The following RAPGEF2 variants were observed in gnomAD, a reference collection of about 807,000 sequenced individuals.
The protein encoded by RAPGEF2 is Rap guanine nucleotide exchange factor 2.
In RAPGEF2, 54 loss-of-function variants were observed where a neutral mutation model predicts 186.7. The observed-to-expected ratio is 0.29, with a 90% confidence interval of 0.23 to 0.36. The LOEUF (loss-of-function observed/expected upper bound fraction) is 0.36. Ranked by LOEUF, RAPGEF2 falls within the 10% of genes least tolerant of loss-of-function variation. The pLI, the probability that RAPGEF2 is intolerant of heterozygous loss-of-function variation, is 1.00. For missense variants in RAPGEF2, 1,532 were observed against 2,045.0 expected (o/e 0.75, Z 4.84); for synonymous variants, 712 against 705.9 (o/e 1.01, Z -0.14).
intron 1 of RAPGEF2, among the ~76,000 whole-genome samples, chr4:159,142,027 G>C (rs1339655389): frequency 2.0e-5 from 3 of 152,186 alleles, no homozygotes; most frequent in African/African-American, 4.8e-5. Context: ...TACCTTCTGA[G>C]TGTGTGTGAC....
At chr4:159,231,012 C>T (rs1404078666) in intron 4 of RAPGEF2, among the ~76,000 whole-genome samples, 1 of 152,062 alleles carries the variant, frequency 6.6e-6, no homozygotes, top group African/African-American at 2.4e-5. Context: ...TGTAGTCATG[C>T]ACTGTGTAAT....
intron 2 of RAPGEF2, among the ~76,000 whole-genome samples, chr4:159,191,822 T>C (rs1173374887): frequency 6.6e-6 from 1 of 151,978 alleles, no homozygotes; most frequent in African/African-American, 2.4e-5. Context: ...ATATAGATAA[T>C]AGCTGGAAGG....
At chr4:159,306,138 A>G (rs1194448086) in intron 8 of RAPGEF2, among the ~76,000 whole-genome samples, 1 of 135,730 alleles carries the variant, frequency 7.4e-6, no homozygotes, top group Non-Finnish European at 1.7e-5. Flanking sequence ...TATGAACTTT[A>G]GGATTTTTTT....
At chr4:159,218,067 T>A (rs1561098270) in intron 4 of RAPGEF2, among the ~76,000 whole-genome samples, 1 of 152,250 alleles carries the variant, frequency 6.6e-6, no homozygotes, top group Non-Finnish European at 1.5e-5. Flanking sequence ...GGAGATGCCT[T>A]AAGGAGTATG....
chr4:159,158,925 A>G lies in RAPGEF2; in HGVS notation c.70-27717A>G, dbSNP rs1433427428. Reference sequence around the variant, plus strand: ...CCCCCTTTTCTTTAAAATTGAAACAATAGCCGTAGCTGTATAAGGGCTAGC... The same window carrying G: ...CCCCCTTTTCTTTAAAATTGAAACAGTAGCCGTAGCTGTATAAGGGCTAGC... On this transcript the variant is annotated intron_variant, in intron 1 of 29. Coordinates refer to ENST00000691494, the MANE Select transcript of RAPGEF2 (RefSeq NM_001394067.2). 4.6e-5 allele frequency among the ~76,000 whole-genome samples: 7 copies of G among 152,308 alleles called. No individual in the cohort carries two copies. In the Middle Eastern group the frequency reaches 0.01, roughly 222 times the overall value.
chr4:159,178,274 G>T (rs755099450), intron 1 of RAPGEF2, among the ~76,000 whole-genome samples: 1 of 152,116 alleles, frequency 6.6e-6, no homozygotes, highest in Non-Finnish European at 1.5e-5. Flanking sequence ...GGATAGGAGG[G>T]ATTGCACCAG....
In RAPGEF2 at chr4:159,152,329, TAAGAA is replaced by T. The variant is rs569218665; in HGVS notation, c.70-34311_70-34307del. Among the ~76,000 whole-genome samples, 25 of 151,942 alleles carry T rather than the reference TAAGAA, an allele frequency of 1.6e-4. No individual in the cohort carries two copies. The South Asian group carries it at 4.6e-3, about 28-fold the overall frequency. On this transcript the variant is annotated intron_variant, in intron 1 of 29. Coordinates refer to ENST00000691494, the MANE Select transcript of RAPGEF2 (RefSeq NM_001394067.2). ...GAGCGAGACTCTGTCTAAAAAAAAA[TAAGAA>T]AGAAAGAAAAGAATGAATGTTTCTT...
intron 3 of RAPGEF2, among the ~76,000 whole-genome samples, chr4:159,194,419 A>G (rs987182942): frequency 1.3e-5 from 2 of 152,156 alleles, no homozygotes; most frequent in Non-Finnish European, 2.9e-5. Flanking sequence ...TTCAGACACA[A>G]TATTTGACAC....
chr4:159,104,553 A>AGGGAGAGAGTGTGTGT lies in RAPGEF2; in HGVS notation c.69+323_69+324insGGAGAGAGTGTGTGTG, dbSNP rs1553991869. 1.9e-3 allele frequency among the ~76,000 whole-genome samples: 256 copies of AGGGAGAGAGTGTGTGT among 136,074 alleles called. 2 individuals are homozygous for AGGGAGAGAGTGTGTGT. Among genetic ancestry groups the AGGGAGAGAGTGTGTGT allele is most frequent in the African/African-American group, 7.1e-3 (244 of 34,182 alleles). The allele number at this position is 136,074 out of a possible 152,430, so 89.3% of individuals were successfully genotyped here. On this transcript the variant is annotated intron_variant, in intron 1 of 29. Coordinates refer to ENST00000691494, the MANE Select transcript of RAPGEF2 (RefSeq NM_001394067.2). ...GAGAGACAGAGAGAGAGAGAGAGAG[A>AGGGAGAGAGTGTGTGT]GTGTGTGTGTGTGTGTGTATGTGTG...
intron 16 of RAPGEF2, 58 bp from the exon 17 acceptor site, chr4:159,332,393 A>G: frequency 1.3e-6 from 2 of 1,534,854 alleles, no homozygotes; most frequent in Non-Finnish European, 8.9e-7. Context: ...TTGCCTTAGA[A>G]TTGTTCAGAT....
At chr4:159,114,398 G>A (rs1357826668) in intron 1 of RAPGEF2, among the ~76,000 whole-genome samples, 1 of 151,932 alleles carries the variant, frequency 6.6e-6, no homozygotes, top group Non-Finnish European at 1.5e-5. Flanking sequence ...CACTGCGCCC[G>A]GCCCTAATTT....
At chr4:159,248,880 T>C (rs1268113731) in intron 7 of RAPGEF2, among the ~76,000 whole-genome samples, 1 of 152,260 alleles carries the variant, frequency 6.6e-6, no homozygotes, top group Admixed American at 6.5e-5. Context: ...GAAGGATGTC[T>C]ATTTTTATAT....
intron 9 of RAPGEF2, among the ~76,000 whole-genome samples, chr4:159,315,854 G>T (rs1309840747): frequency 6.6e-6 from 1 of 152,190 alleles, no homozygotes; most frequent in Non-Finnish European, 1.5e-5. Context: ...CATGAAGACG[G>T]ACTAGGAGCG....
intron 18 of RAPGEF2, 70 bp from the exon 19 acceptor site, chr4:159,339,044 A>T (rs1554040356): frequency 2.6e-6 from 4 of 1,528,284 alleles, no homozygotes; most frequent in Admixed American, 4.0e-5. Flanking sequence ...TTTTCTGATT[A>T]CTTTGCTTAA....
intron 1 of RAPGEF2, among the ~76,000 whole-genome samples, chr4:159,106,306 C>T (rs914573800): frequency 6.6e-6 from 1 of 152,128 alleles, no homozygotes; most frequent in Non-Finnish European, 1.5e-5. Flanking sequence ...CAAATCCCCA[C>T]GTTTATTTCT....
At chr4:159,328,242 A>G (rs929156139) in intron 11 of RAPGEF2, 1 of 152,172 alleles carries the variant, frequency 6.6e-6, no homozygotes, top group Non-Finnish European at 1.5e-5. Flanking sequence ...ACTAAGGATC[A>G]TGTATTTTGA....
At chr4:159,131,247 A>G (rs1053267230) in intron 1 of RAPGEF2, among the ~76,000 whole-genome samples, 5 of 152,100 alleles carry the variant, frequency 3.3e-5, no homozygotes, top group Non-Finnish European at 2.9e-5. Flanking sequence ...AATAGCTGGG[A>G]TTACAGGCAT....
At chr4:159,168,361 G>A (rs897975866) in intron 1 of RAPGEF2, among the ~76,000 whole-genome samples, 2 of 152,024 alleles carry the variant, frequency 1.3e-5, no homozygotes, top group Non-Finnish European at 2.9e-5. Flanking sequence ...ATACCTATGC[G>A]TGCATTTGAT....
chr4:159,122,873 A>G (rs910667535), intron 1 of RAPGEF2, among the ~76,000 whole-genome samples: 7 of 152,232 alleles, frequency 4.6e-5, no homozygotes, highest in Admixed American at 3.9e-4. Context: ...CATTATAAGA[A>G]AAAGTTGAAT....
Sources: gnomAD v4.1 joint callset for allele counts (sites outside exome capture counted in the v4.1 genomes callset) on GRCh38, gnomAD v4.1.1 for gene constraint, MANE v1.5 for transcripts, NCBI Gene and HGNC (gene_info 2026-07-23, HGNC 2026-07-21) for gene names.